Variants in SLC4A8 observed in about 807,000 individuals in gnomAD.
The protein encoded by SLC4A8 is solute carrier family 4 member 8, also known as electroneutral sodium bicarbonate exchanger 1.
A neutral mutation model predicts 125.0 loss-of-function variants in SLC4A8; 40 were observed. The ratio of observed to expected loss-of-function variants is 0.32; its 90% CI spans 0.25 to 0.42. SLC4A8 has a LOEUF of 0.42. Ranked by LOEUF, SLC4A8 falls within the 10% of genes least tolerant of loss-of-function variation. SLC4A8 has a pLI of 1.00. For missense variants in SLC4A8, 863 were observed against 1,355.1 expected (o/e 0.64, Z 5.70); for synonymous variants, 456 against 476.0 (o/e 0.96, Z 0.55).
chr12:51,433,033 G>A (rs981903973), intron 1 of SLC4A8, among the ~76,000 whole-genome samples: 2 of 152,174 alleles, frequency 1.3e-5, no homozygotes, highest in Admixed American at 1.3e-4. Flanking sequence ...GAGAGCTTGA[G>A]GTGGGCTCTG....
intron 16 of SLC4A8, among the ~76,000 whole-genome samples, chr12:51,481,622 C>T (rs950256872): frequency 1.3e-5 from 2 of 152,044 alleles, no homozygotes; most frequent in African/African-American, 4.8e-5. Context: ...CTATCCTTTA[C>T]TTTAGGTAAA....
chr12:51,504,197 C>T, intron 23 of SLC4A8, 77 bp downstream of exon 23: 1 of 849,976 alleles, frequency 1.2e-6, no homozygotes, highest in Non-Finnish European at 1.9e-6. Flanking sequence ...GTGGTGGTGT[C>T]ACAAGTGCAG....
rs143239328 is a variant in SLC4A8, at chr12:51,499,624, TACACACACACAC to T, written c.3081+2523_3081+2534del. On this transcript the variant is annotated intron_variant, in intron 22 of 24. Coordinates refer to ENST00000453097, the MANE Select transcript of SLC4A8 (RefSeq NM_001039960.3). ...TTTCTTGGTTATAGTGCTATAATTC[TACACACACACAC>T]ACACACACACACACACACACACGTA... Among the ~76,000 whole-genome samples the T allele has an allele frequency of 5.6e-5, 8 of 143,344 alleles. No individual in the cohort carries two copies. The East Asian group carries it at 6.4e-4, about 11-fold the overall frequency. 94.0% of individuals were successfully genotyped at this position (143,344 alleles called of 152,430 possible). A position where few individuals can be genotyped will look rare whatever the true frequency, so the allele number is the denominator to read the frequency against.
In SLC4A8 at chr12:51,434,380, T is replaced by C. The variant is rs576574983; in HGVS notation, c.49-6328T>C. ...ATTTAGTTGTTTACATTTATGTGAG[T>C]ACCTTGTAGTTTTTTAAAAAATACT... On this transcript the variant is annotated intron_variant, in intron 1 of 24. Transcript: ENST00000453097. 5.3e-5 allele frequency among the ~76,000 whole-genome samples: 8 copies of C among 152,338 alleles called. No individual in the cohort carries two copies. The South Asian group carries it at 1.7e-3, about 32-fold the overall frequency.
At chr12:51,490,587 T>TGAGGGGG (rs1555198542) in intron 19 of SLC4A8, among the ~76,000 whole-genome samples, 98 of 129,554 alleles carry the variant, frequency 7.6e-4, no homozygotes, top group Admixed American at 1.3e-3. Context: ...AAAAAAAAGA[T>TGAGGGGG]GAGGTGGAGC....
intron 1 of SLC4A8, among the ~76,000 whole-genome samples, chr12:51,433,851 GTT>G (rs869249897): frequency 2.8e-4 from 18 of 65,286 alleles, no homozygotes; most frequent in African/African-American, 8.9e-4. Context: ...CACACCATCT[GTT>G]TTTTTTTTTT....
intron 1 of SLC4A8, among the ~76,000 whole-genome samples, chr12:51,413,011 T>TA (rs1948622544): frequency 6.6e-6 from 1 of 152,236 alleles, no homozygotes; most frequent in Non-Finnish European, 1.5e-5. Flanking sequence ...CCATAATGTC[T>TA]GTAATAATAC....
intron 19 of SLC4A8, 138 bp from the exon 20 acceptor site, chr12:51,493,566 G>T: frequency 1.6e-6 from 1 of 633,118 alleles, no homozygotes; most frequent in South Asian, 2.2e-5. Flanking sequence ...TCACCCACAG[G>T]CAGCAGAAAC....
At chr12:51,443,847 T>C (rs943908709) in intron 2 of SLC4A8, among the ~76,000 whole-genome samples, 1 of 152,210 alleles carries the variant, frequency 6.6e-6, no homozygotes, top group Non-Finnish European at 1.5e-5. Context: ...GTGTACTGCA[T>C]TGTACCTTAG....
At chr12:51,462,034 G>T in intron 9 of SLC4A8, 11 of 290,066 alleles carry the variant, frequency 3.8e-5, no homozygotes, top group South Asian at 1.8e-4. Context: ...TCCATCCTTT[G>T]TGGAGATAAC....
upstream of SLC4A8, among the ~76,000 whole-genome samples, chr12:51,422,761 T>C (rs1948820219): frequency 6.6e-6 from 1 of 152,248 alleles, no homozygotes; most frequent in African/African-American, 2.4e-5. Context: ...ATGTGCATTA[T>C]TATTCTTAAG....
chr12:51,493,660 A>T, intron 19 of SLC4A8, 44 bp from the exon 20 acceptor site: 1 of 1,276,720 alleles, frequency 7.8e-7, no homozygotes, highest in Non-Finnish European at 1.1e-6. Context: ...GTGTGCTATG[A>T]TACCAAATTT....
At position 51,510,682 on chromosome 12, in the gene SLC4A8, T is replaced by C. The variant is rs765818697; in HGVS notation, c.*3244T>C. On this transcript the variant is annotated 3_prime_UTR_variant, in exon 25 of 25. Transcript: ENST00000453097. ...ACTTTGTCCCCTCTCTTTCTTTTCA[T>C]GCAAGAGACTTTAAGGGTAACCTCT... The C allele has an allele frequency of 2.0e-5, 3 of 152,210 alleles. No homozygotes were observed. Among genetic ancestry groups the C allele is most frequent in the Non-Finnish European group, 4.4e-5 (3 of 68,042 alleles). The allele number at this position is 152,210 out of a possible 1,614,324, so 9.4% of individuals were successfully genotyped here.
At chr12:51,488,284 A>G (rs1384058924) in intron 17 of SLC4A8, among the ~76,000 whole-genome samples, 3 of 152,160 alleles carry the variant, frequency 2.0e-5, no homozygotes, top group African/African-American at 7.2e-5. Context: ...GTCTCCCTGC[A>G]CTGGCTTTAC....
Position 51,489,902 on chromosome 12 carries a change from T to A in SLC4A8, c.2651T>A (p.Met884Lys). The A allele has an allele frequency of 6.2e-7, 1 of 1,614,254 alleles. No homozygotes were observed. Among genetic ancestry groups the A allele is most frequent in the Non-Finnish European group, 8.5e-7 (1 of 1,180,038 alleles). ...GIREQRVTGL[M>K]IFVLMGCSVF... ...CGAGAACAGAGAGTGACAGGCCTTA[T>A]GATCTTTGTGCTGATGGGCTGCTCA... Residue 884 changes from methionine to lysine, a missense_variant, in exon 19 of 25, where the codon ATG (methionine) becomes AAG (lysine). Around this residue, in one of 6 missense-constraint regions of SLC4A8, gnomAD observed 197 missense variants for 377.7 expected, o/e 0.52. Coordinates refer to ENST00000453097, the MANE Select transcript of SLC4A8 (RefSeq NM_001039960.3).
intron 2 of SLC4A8, among the ~76,000 whole-genome samples, chr12:51,449,416 C>T (rs1801559829): frequency 6.8e-6 from 1 of 148,116 alleles, no homozygotes; most frequent in Non-Finnish European, 1.5e-5. Flanking sequence ...CAGAGTGAGA[C>T]CCTATCTAAA....
chr12:51,492,201 C>T lies in SLC4A8; in HGVS notation c.2701-1503C>T, dbSNP rs1328566820. 4.6e-5 allele frequency among the ~76,000 whole-genome samples: 7 copies of T among 152,256 alleles called. No individual in the cohort carries two copies. In the South Asian group the frequency reaches 6.2e-4, roughly 14 times the overall value. ...AGATTGGGGTGAGAAGGAAACTTTA[C>T]GGCTGTATTCCCAGGTGCCAGCCAT... On this transcript the variant is annotated intron_variant, in intron 19 of 24. Transcript: ENST00000453097.
Position 51,510,704 on chromosome 12 carries a change from C to T in SLC4A8, c.*3266C>T, listed in dbSNP as rs1938337558. 1 of 152,154 alleles carries T rather than the reference C, an allele frequency of 6.6e-6. No homozygotes were observed. The highest frequency in any genetic ancestry group is 2.4e-5 in the African/African-American group (1 of 41,430). The allele number at this position is 152,154 out of a possible 1,614,324, so 9.4% of individuals were successfully genotyped here. A position where few individuals can be genotyped will look rare whatever the true frequency, so the allele number is the denominator to read the frequency against. ...TCATGCAAGAGACTTTAAGGGTAAC[C>T]TCTTCAGTTGAAACTGTCTTGGAAG... On this transcript the variant is annotated 3_prime_UTR_variant, in exon 25 of 25. Coordinates refer to ENST00000453097, the MANE Select transcript of SLC4A8 (RefSeq NM_001039960.3).
intron 2 of SLC4A8, 88 bp downstream of exon 2, chr12:51,440,877 C>A: frequency 8.6e-7 from 1 of 1,156,848 alleles, no homozygotes; most frequent in Non-Finnish European, 1.2e-6. Flanking sequence ...AACTCTCTCA[C>A]TAGCTGTCAG....
Sources: gnomAD v4.1 joint callset for allele counts (sites outside exome capture counted in the v4.1 genomes callset) on GRCh38, gnomAD v4.1.1 for gene constraint, gnomAD v4.1.1 regional missense constraint, MANE v1.5 for transcripts, NCBI Gene and HGNC (gene_info 2026-07-23, HGNC 2026-07-21) for gene names.